PACS2: variants seen among roughly 807,000 people sequenced by gnomAD.
PACS2 encodes phosphofurin acidic cluster sorting protein 2, also known as PACS1-like protein.
A neutral mutation model predicts 113.0 loss-of-function variants in PACS2; 36 were observed. That is an observed-to-expected ratio of 0.32 (90% CI 0.24 to 0.42). The LOEUF is 0.42. Ranked by LOEUF, PACS2 falls within the 10% of genes least tolerant of loss-of-function variation. The pLI, the probability that PACS2 is intolerant of heterozygous loss-of-function variation, is 1.00. For synonymous variants in PACS2, 589 were observed against 536.1 expected (o/e 1.10, Z -1.36); for missense variants, 1,015 against 1,239.5 (o/e 0.82, Z 2.72).
chr14:105,336,006 C>T (rs2059503658), intron 1 of PACS2, among the ~76,000 whole-genome samples: 1 of 152,214 alleles, frequency 6.6e-6, no homozygotes, highest in Non-Finnish European at 1.5e-5. Flanking sequence ...ATGTGGAGCA[C>T]CAGCCTGTGA....
At chr14:105,338,168 G>A (rs587744473) in intron 1 of PACS2, among the ~76,000 whole-genome samples, 1 of 152,308 alleles carries the variant, frequency 6.6e-6, no homozygotes, top group Admixed American at 6.5e-5. Context: ...AGGACTTCCA[G>A]CCTCCCCTTC....
In PACS2 at chr14:105,378,967, GGCCTGGATCA is replaced by G. The variant is rs1183848897; in HGVS notation, c.960-755_960-746del. Among the ~76,000 whole-genome samples, 50 of 152,158 alleles carry G rather than the reference GGCCTGGATCA, an allele frequency of 3.3e-4. No homozygotes were observed. In the South Asian group the frequency reaches 3.5e-3, roughly 11 times the overall value. On this transcript the variant is annotated intron_variant, in intron 9 of 24. Transcript: ENST00000447393. ...CTGAGTGGTCCGGAAAGGCATGGGT[GGCCTGGATCA>G]GCCTGGATCAGCCTGGGTGGTCCGG...
At chr14:105,390,871 C>T (rs1019138393) in intron 20 of PACS2, 4 of 392,986 alleles carry the variant, frequency 1.0e-5, no homozygotes, top group East Asian at 5.0e-5. Context: ...CTGCCAGGTC[C>T]GGGGCCTATC....
chr14:105,362,015 C>T (rs1031945893), intron 4 of PACS2, among the ~76,000 whole-genome samples: 2 of 151,682 alleles, frequency 1.3e-5, no homozygotes, highest in Non-Finnish European at 2.9e-5. Flanking sequence ...CCCAGCTACT[C>T]GGGAGGCTGA....
At chr14:105,363,010 G>A (rs1197945716) in intron 4 of PACS2, among the ~76,000 whole-genome samples, 2 of 152,208 alleles carry the variant, frequency 1.3e-5, no homozygotes, top group South Asian at 2.1e-4. Flanking sequence ...TATTTTGAAA[G>A]GAACCTTTTT....
chr14:105,335,389 ACGCTGTGGCCGGCG>A (rs1262299831), intron 1 of PACS2, among the ~76,000 whole-genome samples: 17 of 151,186 alleles, frequency 1.1e-4, no homozygotes, highest in African/African-American at 4.2e-4. Flanking sequence ...CGTGGCTCTG[ACGCTGTGGCCGGCG>A]CCTGGCGTGG....
At chr14:105,373,589 T>C (rs186539018) in intron 8 of PACS2, among the ~76,000 whole-genome samples, 43 of 152,218 alleles carry the variant, frequency 2.8e-4, no homozygotes, top group African/African-American at 1.0e-3. Flanking sequence ...GGCAGGCAGA[T>C]TGCATAAGTC....
chr14:105,300,802 G>C (rs1341978689), exon 1 of PACS2: 4 of 312,318 alleles, frequency 1.3e-5, no homozygotes, highest in African/African-American at 4.5e-5. Context: ...CCCGGGCCGC[G>C]CCGCCCGCAA....
intron 1 of PACS2, among the ~76,000 whole-genome samples, chr14:105,335,260 G>A (rs904271312): frequency 6.6e-6 from 1 of 152,252 alleles, no homozygotes; most frequent in African/African-American, 2.4e-5. Context: ...CGTTGCTGGA[G>A]CCGTGGTGCT....
chr14:105,355,306 G>T lies in PACS2; in HGVS notation c.423+129G>T. The T allele has an allele frequency of 8.6e-7, 1 of 1,160,688 alleles. No individual in the cohort carries two copies. The highest frequency in any genetic ancestry group is 1.6e-5 in the South Asian group (1 of 62,586). 71.9% of individuals were successfully genotyped at this position (1,160,688 alleles called of 1,614,324 possible). ...GGATCAGGTGAAAATGATGAGAGGA[G>T]CCTGGGCGGCCGGGCTCCGCCATAA... On this transcript the variant is annotated intron_variant, in intron 4 of 24. Transcript: ENST00000447393. This position sits in a 1 kb window ranked among gnomAD's most constrained non-coding sequence, Gnocchi z 4.1.
intron 1 of PACS2, among the ~76,000 whole-genome samples, chr14:105,327,943 G>T (rs1261945035): frequency 6.6e-6 from 1 of 151,098 alleles, no homozygotes; most frequent in East Asian, 2.0e-4. Context: ...TTGGCTCACC[G>T]GCCCAGGCCA....
At chr14:105,394,524 G>T (rs1045420600) in intron 24 of PACS2, 30 bp from the exon 25 acceptor site, 1 of 1,608,674 alleles carries the variant, frequency 6.2e-7, no homozygotes, top group Non-Finnish European at 8.5e-7. Context: ...CGGGCAGGGG[G>T]GCAGGCGGTC....
At chr14:105,328,093 T>C (rs1025260206) in intron 1 of PACS2, among the ~76,000 whole-genome samples, 4 of 152,268 alleles carry the variant, frequency 2.6e-5, no homozygotes, top group Admixed American at 1.3e-4. Context: ...GTTCCAGTTA[T>C]TCCCTGGGAA....
At position 105,376,768 on chromosome 14, in the gene PACS2, G is replaced by A. The variant is rs782277649; in HGVS notation, c.802G>A (p.Val268Ile). ...TCACGCGTGCCTGGCACCCGTGCAG[G>A]TCCTGGACTCGGAGCAGGACCCTGC... ...LLRRFKVSDEVLDSEQDPAEH... is the reference protein window; with the variant it reads ...LLRRFKVSDEILDSEQDPAEH... Residue 268 changes from valine to isoleucine, a missense_variant and splice_region_variant, in exon 9 of 25, where the codon GTC becomes ATC. By Grantham distance (29) the Val-to-Ile change is conservative (BLOSUM62 3). Coordinates refer to ENST00000447393, the MANE Select transcript of PACS2 (RefSeq NM_001100913.3). This position sits in a 1 kb window ranked among gnomAD's most constrained non-coding sequence, Gnocchi z 4.7. The A allele has an allele frequency of 6.2e-7, 1 of 1,612,520 alleles. No individual in the cohort carries two copies. Among genetic ancestry groups the A allele is most frequent in the Admixed American group, 1.7e-5 (1 of 59,964 alleles).
intron 24 of PACS2, chr14:105,393,606 T>TG: frequency 2.7e-6 from 1 of 369,188 alleles, no homozygotes; most frequent in South Asian, 3.4e-5. Flanking sequence ...TTTTTTTTTT[T>TG]GAGACAGAGT....
intron 19 of PACS2, 75 bp downstream of exon 19, chr14:105,385,792 G>T: frequency 2.2e-6 from 2 of 924,804 alleles, no homozygotes; most frequent in Non-Finnish European, 3.1e-6. Flanking sequence ...GCAGAGTCAC[G>T]TAGGAATCAC....
At chr14:105,373,113 A>T (rs1180976590) in intron 8 of PACS2, among the ~76,000 whole-genome samples, 1 of 152,258 alleles carries the variant, frequency 6.6e-6, no homozygotes, top group Admixed American at 6.5e-5. Flanking sequence ...TCATATGTTC[A>T]TGAATTGGAA....
At chr14:105,320,150 G>A (rs1468072787) in intron 1 of PACS2, among the ~76,000 whole-genome samples, 1 of 151,808 alleles carries the variant, frequency 6.6e-6, no homozygotes. Flanking sequence ...GCGAATTTTT[G>A]TATTTTTAGT....
intron 17 of PACS2, 74 bp downstream of exon 17, chr14:105,384,537 C>T: frequency 1.1e-6 from 1 of 909,782 alleles, no homozygotes; most frequent in Non-Finnish European, 1.7e-6. Flanking sequence ...ATGCTGTGCC[C>T]AGGAGGCCCT....
Sources: gnomAD v4.1 joint callset for allele counts (sites outside exome capture counted in the v4.1 genomes callset) on GRCh38, gnomAD v4.1.1 for gene constraint, Gnocchi (gnomAD v3.1) non-coding constraint, MANE v1.5 for transcripts, NCBI Gene and HGNC (gene_info 2026-07-23, HGNC 2026-07-21) for gene names.